The following ABAT variants were observed in gnomAD, a reference collection of about 807,000 sequenced individuals.
ABAT encodes 4-aminobutyrate aminotransferase, also known as 4-aminobutyrate aminotransferase, mitochondrial.
In ABAT, 45 loss-of-function variants were observed where a neutral mutation model predicts 64.6. The ratio of observed to expected loss-of-function variants is 0.70; its 90% CI spans 0.55 to 0.89. The LOEUF (loss-of-function observed/expected upper bound fraction) is 0.89. ABAT is among the 40% of genes least tolerant of loss of function. The pLI is 0.00. For missense variants in ABAT, 633 were observed against 658.4 expected (o/e 0.96, Z 0.42); for synonymous variants, 297 against 250.5 (o/e 1.19, Z -1.75).
chr16:8,690,594 A>C (rs1427580842), intron 1 of ABAT, among the ~76,000 whole-genome samples: 3 of 152,188 alleles, frequency 2.0e-5, no homozygotes, highest in Admixed American at 2.0e-4. Flanking sequence ...AGATGTTTCC[A>C]ATCTGTGCCT....
chr16:8,690,213 C>T (rs189289036), intron 1 of ABAT, among the ~76,000 whole-genome samples: 9 of 152,218 alleles, frequency 5.9e-5, no homozygotes, highest in African/African-American at 2.2e-4. Flanking sequence ...CTGGCACCAT[C>T]TCAGGTCTGG....
At chr16:8,679,926 C>T (rs1040730020) in intron 1 of ABAT, among the ~76,000 whole-genome samples, 1 of 152,110 alleles carries the variant, frequency 6.6e-6, no homozygotes, top group African/African-American at 2.4e-5. Context: ...CTAGACACTC[C>T]ACACATTAAA....
intron 1 of ABAT, among the ~76,000 whole-genome samples, chr16:8,719,744 A>T (rs1254657286): frequency 6.6e-6 from 1 of 152,006 alleles, no homozygotes; most frequent in Non-Finnish European, 1.5e-5. Flanking sequence ...CTAAAAAAAG[A>T]AGAAGAAAGA....
At chr16:8,739,323 G>A (rs917976883) in intron 2 of ABAT, among the ~76,000 whole-genome samples, 2 of 152,224 alleles carry the variant, frequency 1.3e-5, no homozygotes, top group Non-Finnish European at 2.9e-5. Flanking sequence ...AACCAAGTGA[G>A]CCTAACCGAT....
intron 1 of ABAT, among the ~76,000 whole-genome samples, chr16:8,675,887 C>G (rs965579827): frequency 6.6e-6 from 1 of 152,166 alleles, no homozygotes; most frequent in African/African-American, 2.4e-5. Context: ...TGTGCACCCC[C>G]GCAAGCGCCT....
At chr16:8,735,506 G>T (rs1056871724) in intron 1 of ABAT, among the ~76,000 whole-genome samples, 193 bp from the exon 2 acceptor site, 3 of 152,164 alleles carry the variant, frequency 2.0e-5, no homozygotes, top group African/African-American at 7.2e-5. Context: ...CGGTCTCCCA[G>T]TGTGGCTGAG....
chr16:8,758,758 C>T (rs934651012), intron 6 of ABAT, among the ~76,000 whole-genome samples: 1 of 152,178 alleles, frequency 6.6e-6, no homozygotes, highest in African/African-American at 2.4e-5. Flanking sequence ...CAATACATGA[C>T]ACCTGTCTCT....
intron 8 of ABAT, 99 bp from the exon 9 acceptor site, chr16:8,766,109 C>T: frequency 8.5e-7 from 1 of 1,180,430 alleles, no homozygotes; most frequent in Non-Finnish European, 1.3e-6. Flanking sequence ...TGAGAAAGCA[C>T]TTTCTACTTG....
chr16:8,709,761 C>T (rs2058028258), intron 1 of ABAT, among the ~76,000 whole-genome samples: 2 of 151,630 alleles, frequency 1.3e-5, no homozygotes, highest in African/African-American at 4.8e-5. Context: ...ACTTGGCAAT[C>T]AGAAAGATGT....
intron 1 of ABAT, among the ~76,000 whole-genome samples, chr16:8,683,721 T>C (rs1436889909): frequency 6.6e-6 from 1 of 152,150 alleles, no homozygotes; most frequent in East Asian, 1.9e-4. Context: ...TAAGTTGTAT[T>C]CTTTTGTTCA....
At chr16:8,723,694 G>C (rs2058440689) in intron 1 of ABAT, among the ~76,000 whole-genome samples, 2 of 151,686 alleles carry the variant, frequency 1.3e-5, no homozygotes, top group Admixed American at 1.3e-4. Context: ...TGCAGTGAGA[G>C]AGGCATCACT....
intron 1 of ABAT, among the ~76,000 whole-genome samples, chr16:8,725,704 TC>T (rs1447884981): frequency 6.6e-6 from 1 of 152,238 alleles, no homozygotes; most frequent in Non-Finnish European, 1.5e-5. Context: ...TGTTTTCAGT[TC>T]TTTGGGTTGA....
chr16:8,743,444 T>TATATATATATAC (rs368568293), intron 2 of ABAT, among the ~76,000 whole-genome samples: 36 of 117,666 alleles, frequency 3.1e-4, no homozygotes, highest in African/African-American at 7.1e-4. Flanking sequence ...TATATATATA[T>TATATATATATAC]ACACACATTT....
intron 1 of ABAT, among the ~76,000 whole-genome samples, chr16:8,734,613 G>A (rs915447366): frequency 2.6e-5 from 4 of 152,112 alleles, no homozygotes; most frequent in African/African-American, 7.2e-5. Flanking sequence ...TATGTAAAGC[G>A]TTTTGTGCAG....
At chr16:8,690,603 C>G (rs1299639498) in intron 1 of ABAT, among the ~76,000 whole-genome samples, 1 of 152,190 alleles carries the variant, frequency 6.6e-6, no homozygotes, top group East Asian at 1.9e-4. Flanking sequence ...CAATCTGTGC[C>G]TTGAGCGGAT....
intron 6 of ABAT, among the ~76,000 whole-genome samples, chr16:8,759,897 T>G (rs1305717458): frequency 1.3e-5 from 2 of 152,202 alleles, no homozygotes; most frequent in African/African-American, 4.8e-5. Flanking sequence ...GTGTGTATCT[T>G]TACCTCGTCT....
intron 1 of ABAT, among the ~76,000 whole-genome samples, chr16:8,690,590 T>C (rs1026148354): frequency 1.3e-5 from 2 of 152,214 alleles, no homozygotes; most frequent in Non-Finnish European, 2.9e-5. Flanking sequence ...TCTGAGATGT[T>C]TCCAATCTGT....
chr16:8,696,448 C>T (rs1282084543), intron 1 of ABAT, among the ~76,000 whole-genome samples: 1 of 152,126 alleles, frequency 6.6e-6, no homozygotes, highest in Non-Finnish European at 1.5e-5. Context: ...CATGATGAAG[C>T]CCTGTCTCTA....
At chr16:8,712,993 T>C (rs1435482072) in intron 1 of ABAT, 1 of 146,866 alleles carries the variant, frequency 6.8e-6, no homozygotes, top group Non-Finnish European at 1.5e-5. Flanking sequence ...TCATTACCTC[T>C]TCTGGGCCCC....
Sources: allele counts gnomAD v4.1 joint callset (sites outside exome capture counted in the v4.1 genomes callset), GRCh38; gene constraint gnomAD v4.1.1; transcripts MANE v1.5; gene names NCBI Gene and HGNC (gene_info 2026-07-23, HGNC 2026-07-21).